CDK14: variants seen among roughly 807,000 people sequenced by gnomAD.
CDK14 encodes cyclin dependent kinase 14, also known as cyclin-dependent kinase 14.
Under a neutral mutation model 60.7 loss-of-function variants are expected in CDK14, and 34 were observed. That is an observed-to-expected ratio of 0.56 (90% CI 0.43 to 0.75). The LOEUF (loss-of-function observed/expected upper bound fraction) is 0.75, where lower values mean the gene tolerates loss of function less well. CDK14 is among the 30% of genes least tolerant of loss of function. The pLI is 0.00. For synonymous variants in CDK14, 197 were observed against 203.7 expected (o/e 0.97, Z 0.28); for missense variants, 482 against 564.1 (o/e 0.85, Z 1.47).
In CDK14 at chr7:90,890,504, T is replaced by G. The variant is rs1383972242; in HGVS notation, c.640-8787T>G. 2.0e-5 allele frequency among the ~76,000 whole-genome samples: 3 copies of G among 152,232 alleles called. No individual in the cohort carries two copies. In the East Asian group the frequency reaches 5.8e-4, roughly 29 times the overall value. On this transcript the variant is annotated intron_variant, in intron 6 of 14. Transcript: ENST00000380050. ...CTGTGATTTCGTTTTAAAGGATAAGTTGGTTAAACTTTCCTTTCCCTTTTT... is the reference window on the plus strand; with the variant it reads ...CTGTGATTTCGTTTTAAAGGATAAGGTGGTTAAACTTTCCTTTCCCTTTTT...
intron 9 of CDK14, among the ~76,000 whole-genome samples, chr7:90,969,465 T>C (rs1434220843): frequency 6.6e-6 from 1 of 152,228 alleles, no homozygotes; most frequent in Non-Finnish European, 1.5e-5. Flanking sequence ...TTTGCTTTGA[T>C]TTTTAAGATA....
At chr7:91,002,161 A>G (rs2115756753) in intron 10 of CDK14, among the ~76,000 whole-genome samples, 1 of 152,278 alleles carries the variant, frequency 6.6e-6, no homozygotes, top group South Asian at 2.1e-4. Context: ...TTGAAATGAA[A>G]TTTCACCAAT....
At chr7:90,677,435 CT>C (rs1214936274) in intron 2 of CDK14, among the ~76,000 whole-genome samples, 1 of 152,176 alleles carries the variant, frequency 6.6e-6, no homozygotes, top group East Asian at 1.9e-4. Context: ...AATTTTCTCA[CT>C]TTCTTATTGT....
chr7:91,173,813 C>G (rs903336823), intron 14 of CDK14, among the ~76,000 whole-genome samples: 1 of 152,176 alleles, frequency 6.6e-6, no homozygotes, highest in Admixed American at 6.5e-5. Context: ...CCTACGCCCA[C>G]GGAGTCTCGC....
intron 2 of CDK14, chr7:90,709,464 A>C (rs953023005): frequency 6.4e-7 from 1 of 1,573,826 alleles, no homozygotes; most frequent in African/African-American, 1.4e-5. Flanking sequence ...CCCATTCTGT[A>C]TTCTTCTGAA....
At chr7:90,992,318 G>A (rs1795563289) in intron 10 of CDK14, among the ~76,000 whole-genome samples, 1 of 152,100 alleles carries the variant, frequency 6.6e-6, no homozygotes. Context: ...TTTTTGCATT[G>A]GAGTACCACA....
intron 12 of CDK14, among the ~76,000 whole-genome samples, chr7:91,087,349 GA>G (rs1327565438): frequency 1.3e-5 from 2 of 151,870 alleles, no homozygotes; most frequent in Non-Finnish European, 2.9e-5. Flanking sequence ...ACATAGCAAA[GA>G]AAAAAACAGA....
chr7:90,988,135 A>G (rs1409409506), intron 10 of CDK14, among the ~76,000 whole-genome samples: 1 of 152,148 alleles, frequency 6.6e-6, no homozygotes, highest in Admixed American at 6.6e-5. Flanking sequence ...TTTTCTTTCT[A>G]AGGTTCTTTT....
rs1802400700 is a variant in CDK14, at chr7:90,720,296, A to G, written c.124-6271A>G. On this transcript the variant is annotated intron_variant, in intron 2 of 14. Transcript: ENST00000380050. ...TCAACAAGTGCATCTAGGCAAAGGC[A>G]ATTTTGGAGACAAGTCATGGCTTGG... 1.3e-5 allele frequency among the ~76,000 whole-genome samples: 2 copies of G among 152,140 alleles called. 1 individual carries two copies. The highest frequency in any genetic ancestry group is 4.1e-4 in the South Asian group (2 of 4,826).
intron 12 of CDK14, among the ~76,000 whole-genome samples, chr7:91,085,621 A>G (rs1156715155): frequency 5.3e-5 from 8 of 152,164 alleles, no homozygotes; most frequent in Admixed American, 5.2e-4. Flanking sequence ...AGTGGGTACT[A>G]GAGTTTCCCA....
chr7:90,906,052 A>G (rs1792686804), intron 7 of CDK14, among the ~76,000 whole-genome samples: 1 of 152,156 alleles, frequency 6.6e-6, no homozygotes, highest in African/African-American at 2.4e-5. Context: ...TATTCTCAAA[A>G]AATTCGGACT....
intron 2 of CDK14, among the ~76,000 whole-genome samples, chr7:90,697,809 C>G (rs1294450416): frequency 6.6e-6 from 1 of 152,028 alleles, no homozygotes; most frequent in Non-Finnish European, 1.5e-5. Flanking sequence ...TGGCTCACAC[C>G]TGTAATCCCA....
At chr7:90,620,335 G>A (rs913521071) in intron 2 of CDK14, among the ~76,000 whole-genome samples, 1 of 152,124 alleles carries the variant, frequency 6.6e-6, no homozygotes, top group Middle Eastern at 3.2e-3. Context: ...TTGGTGGATC[G>A]ATTGATTGGC....
intron 10 of CDK14, among the ~76,000 whole-genome samples, chr7:91,013,216 T>C (rs1158821257): frequency 6.6e-6 from 1 of 152,220 alleles, no homozygotes; most frequent in African/African-American, 2.4e-5. Flanking sequence ...CTTTGCAGCT[T>C]CCTGCCCACG....
intron 4 of CDK14, among the ~76,000 whole-genome samples, chr7:90,769,251 A>G (rs993940580): frequency 7.9e-5 from 12 of 152,290 alleles, no homozygotes; most frequent in South Asian, 2.1e-4. Context: ...AGTCATGCCA[A>G]TTGTATTCAT....
At chr7:91,180,834 A>C (rs780811271) in intron 14 of CDK14, among the ~76,000 whole-genome samples, 1 of 152,142 alleles carries the variant, frequency 6.6e-6, no homozygotes, top group Non-Finnish European at 1.5e-5. Flanking sequence ...GTGCTTTTAC[A>C]TTTTTTTATT....
intron 14 of CDK14, among the ~76,000 whole-genome samples, chr7:91,159,764 G>T (rs1247236783): frequency 2.0e-4 from 31 of 152,266 alleles, no homozygotes; most frequent in Admixed American, 2.0e-3. Context: ...CAAAACTGAG[G>T]TTACCAGCCC....
At chr7:90,806,041 G>A (rs1032467409) in intron 5 of CDK14, among the ~76,000 whole-genome samples, 1 of 152,114 alleles carries the variant, frequency 6.6e-6, no homozygotes, top group Non-Finnish European at 1.5e-5. Context: ...ATTCAATGGA[G>A]AAATAACTTT....
At chr7:90,721,063 T>A (rs946975357) in intron 2 of CDK14, among the ~76,000 whole-genome samples, 1 of 152,214 alleles carries the variant, frequency 6.6e-6, no homozygotes, top group African/African-American at 2.4e-5. Context: ...CTTGTTTATC[T>A]CCACCAGATG....
Sources: gnomAD v4.1 joint callset for allele counts (sites outside exome capture counted in the v4.1 genomes callset) on GRCh38, gnomAD v4.1.1 for gene constraint, MANE v1.5 for transcripts, NCBI Gene and HGNC (gene_info 2026-07-23, HGNC 2026-07-21) for gene names.